Variants in SMCO4 observed in about 807,000 individuals in gnomAD.
The protein encoded by SMCO4 is single-pass membrane and coiled-coil domain-containing protein 4.
In SMCO4, 4 loss-of-function variants were observed where a neutral mutation model predicts 3.6. The ratio of observed to expected loss-of-function variants is 1.11; its 90% CI spans 0.54 to 2.53. The LOEUF (loss-of-function observed/expected upper bound fraction) is 2.53. SMCO4 is among the 30% of genes most tolerant of loss of function. The pLI is 0.02. For synonymous variants in SMCO4, 36 were observed against 35.3 expected, an observed-to-expected ratio of 1.02 and a Z score of -0.07; for missense variants, 70 against 80.8, an observed-to-expected ratio of 0.87 and a Z score of 0.51.
At chr11:93,508,819 G>C (rs569944907) in intron 1 of SMCO4, among the ~76,000 whole-genome samples, 4 of 152,188 alleles carry the variant, frequency 2.6e-5, no homozygotes, top group Non-Finnish European at 5.9e-5. Context: ...TATCCAATCA[G>C]CACACACTCC....
intron 1 of SMCO4, among the ~76,000 whole-genome samples, chr11:93,500,643 T>C (rs1210510778): frequency 2.6e-5 from 4 of 152,074 alleles, no homozygotes; most frequent in African/African-American, 9.7e-5. Context: ...GTAAAGGAGT[T>C]TGGACTTTAT....
chr11:93,546,784 A>G (rs529955468), upstream of SMCO4, among the ~76,000 whole-genome samples: 2 of 151,532 alleles, frequency 1.3e-5, no homozygotes, highest in Admixed American at 1.3e-4. Flanking sequence ...TAAAATCTAA[A>G]CGATTATACA....
At chr11:93,501,452 G>A (rs888879456) in intron 1 of SMCO4, among the ~76,000 whole-genome samples, 2 of 152,168 alleles carry the variant, frequency 1.3e-5, no homozygotes, top group African/African-American at 2.4e-5. Flanking sequence ...CTCGTTTGTC[G>A]CCGCTTCCAG....
intron 1 of SMCO4, among the ~76,000 whole-genome samples, chr11:93,520,674 C>T (rs572548322): frequency 2.6e-5 from 4 of 152,208 alleles, no homozygotes; most frequent in Non-Finnish European, 5.9e-5. Flanking sequence ...GATACAAAGA[C>T]AATCAACACT....
At chr11:93,529,555 C>T (rs549577187) in intron 1 of SMCO4, among the ~76,000 whole-genome samples, 1 of 152,126 alleles carries the variant, frequency 6.6e-6, no homozygotes, top group Non-Finnish European at 1.5e-5. Flanking sequence ...ATCAGGCCCC[C>T]GCACAGCCCA....
At chr11:93,546,832 G>A (rs187630353), upstream of SMCO4, among the ~76,000 whole-genome samples, 209 of 152,314 alleles carry the variant, frequency 1.4e-3, no homozygotes, top group Middle Eastern at 3.4e-3. Context: ...CCCCTACAGA[G>A]ATATTGGTAC....
intron 2 of SMCO4, among the ~76,000 whole-genome samples, chr11:93,484,685 ATTCTT>A (rs1948628080): frequency 1.5e-5 from 2 of 135,792 alleles, no homozygotes; most frequent in Admixed American, 8.9e-5. Context: ...ACACCAGGGA[ATTCTT>A]TTTTTTTTTT....
At chr11:93,531,223 T>G (rs1840695) in intron 1 of SMCO4, among the ~76,000 whole-genome samples, 2 of 152,008 alleles carry the variant, frequency 1.3e-5, no homozygotes, top group African/African-American at 4.8e-5. Context: ...TAAGAGGGAA[T>G]TCCTCTTGCA....
At chr11:93,510,467 T>TA (rs796260510) in intron 1 of SMCO4, among the ~76,000 whole-genome samples, 2 of 152,242 alleles carry the variant, frequency 1.3e-5, no homozygotes, top group African/African-American at 2.4e-5. Flanking sequence ...AAGAGATTTT[T>TA]AAAAAACAGT....
At chr11:93,525,297 T>TA (rs1239744841) in intron 1 of SMCO4, among the ~76,000 whole-genome samples, 2 of 152,190 alleles carry the variant, frequency 1.3e-5, no homozygotes, top group Non-Finnish European at 2.9e-5. Context: ...TTTTCCTCTG[T>TA]AAAATGGAGA....
upstream of SMCO4, among the ~76,000 whole-genome samples, chr11:93,546,670 C>G (rs943756237): frequency 1.3e-5 from 2 of 152,168 alleles, no homozygotes; most frequent in African/African-American, 4.8e-5. Flanking sequence ...CAGTTCTTTA[C>G]GCTGTTAGTT....
chr11:93,483,132 G>A (rs1948611038), intron 2 of SMCO4, among the ~76,000 whole-genome samples: 1 of 152,146 alleles, frequency 6.6e-6, no homozygotes, highest in Non-Finnish European at 1.5e-5. Context: ...AGGGTTGGGG[G>A]ACTAAAGGCT....
the SMCO4 span, among the ~76,000 whole-genome samples, chr11:93,553,902 T>G: frequency 6.6e-6 from 1 of 152,228 alleles, no homozygotes; most frequent in Non-Finnish European, 1.5e-5. Flanking sequence ...TATCTGGTAG[T>G]TCCTCTCCTT....
chr11:93,511,479 C>T (rs1948956489), intron 1 of SMCO4, among the ~76,000 whole-genome samples: 1 of 152,156 alleles, frequency 6.6e-6, no homozygotes, highest in East Asian at 1.9e-4. Flanking sequence ...GGAGTTTGCA[C>T]ATTCTCTCCA....
chr11:93,493,945 T>C (rs1242667330), intron 2 of SMCO4, among the ~76,000 whole-genome samples: 1 of 152,160 alleles, frequency 6.6e-6, no homozygotes, highest in East Asian at 1.9e-4. Context: ...TTCTCCCTTA[T>C]CCTAAACATC....
intron 1 of SMCO4, among the ~76,000 whole-genome samples, chr11:93,534,299 T>TACAC (rs1249946502): frequency 1.9e-4 from 28 of 147,940 alleles, no homozygotes; most frequent in Non-Finnish European, 3.6e-4. Context: ...CACACACATA[T>TACAC]ATATACATAT....
intron 1 of SMCO4, chr11:93,535,471 G>C (rs1272570130): frequency 1.4e-6 from 2 of 1,396,868 alleles, no homozygotes; most frequent in Admixed American, 1.7e-5. Context: ...TCGCCGCGAT[G>C]GTGTTGTTGG....
At chr11:93,545,415 C>A (rs1009058960), upstream of SMCO4, among the ~76,000 whole-genome samples, 2 of 151,468 alleles carry the variant, frequency 1.3e-5, no homozygotes, top group African/African-American at 4.9e-5. Flanking sequence ...CGATGAACCC[C>A]GTCTCTACTG....
At chr11:93,530,040 G>A (rs1402851168) in intron 1 of SMCO4, among the ~76,000 whole-genome samples, 1 of 152,220 alleles carries the variant, frequency 6.6e-6, no homozygotes, top group African/African-American at 2.4e-5. Context: ...CTGCTGACCA[G>A]GAGAGCTGAC....
Sources: allele counts gnomAD v4.1 joint callset (sites outside exome capture counted in the v4.1 genomes callset), GRCh38; gene constraint gnomAD v4.1.1; transcripts MANE v1.5; gene names NCBI Gene and HGNC (gene_info 2026-07-23, HGNC 2026-07-21).